The following PCDH15 variants were observed in gnomAD, a reference collection of about 807,000 sequenced individuals.
The protein encoded by PCDH15 is protocadherin-15.
In PCDH15, 129 loss-of-function variants were observed where a neutral mutation model predicts 178.5. The observed-to-expected ratio is 0.72, with a 90% CI of 0.63 to 0.84. The LOEUF is 0.84. Ranked by LOEUF, PCDH15 falls within the 40% of genes least tolerant of loss-of-function variation. The pLI is 0.00. For synonymous variants in PCDH15, 800 were observed against 732.0 expected, an observed-to-expected ratio of 1.09 and a Z score of -1.50; for missense variants, 2,230 against 2,099.9, an observed-to-expected ratio of 1.06 and a Z score of -1.21.
chr10:54,961,731 T>C (rs1278895629), intron 2 of PCDH15, among the ~76,000 whole-genome samples: 1 of 152,118 alleles, frequency 6.6e-6, no homozygotes, highest in East Asian at 1.9e-4. Flanking sequence ...CTGTACTCTT[T>C]GGGATGACCT....
At position 54,892,894 on chromosome 10, in the gene PCDH15, A is replaced by G. The variant is rs555108275; in HGVS notation, c.-29+4556T>C. Among the ~76,000 whole-genome samples the G allele has an allele frequency of 2.6e-5, 4 of 152,040 alleles. No homozygotes were observed. The South Asian group carries it at 8.3e-4, about 32-fold the overall frequency. On this transcript the variant is annotated intron_variant, in intron 3 of 5. Transcript: ENST00000458638. ...AGTACCTGCCACCACACCTATTTCT[A>G]AAAGATATTTTTCCTCAATTTAAAG...
chr10:54,009,177 G>C (rs2092486597), intron 20 of PCDH15, among the ~76,000 whole-genome samples: 1 of 151,908 alleles, frequency 6.6e-6, no homozygotes, highest in Non-Finnish European at 1.5e-5. Context: ...TTGACAGTTT[G>C]AGTTCCTATT....
chr10:54,336,373 T>C (rs1209840064), intron 6 of PCDH15, among the ~76,000 whole-genome samples: 1 of 152,148 alleles, frequency 6.6e-6, no homozygotes, highest in African/African-American at 2.4e-5. Flanking sequence ...GAGACATTTG[T>C]GGCAGCCCCT....
In PCDH15 at chr10:55,317,578, C is replaced by T. The variant is rs115846687; in HGVS notation, c.-156+2021G>A. On this transcript the variant is annotated intron_variant, in intron 1 of 5. Transcript: ENST00000458638. ...TTAATAATTTCAGCTTGAAGCTCTT[C>T]AAAATTTATAAATGGAGTGCTTTAA... is the stretch of plus-strand genomic sequence containing the variant. 5.2e-3 allele frequency among the ~76,000 whole-genome samples: 787 copies of T among 151,922 alleles called. 10 individuals are homozygous for T. The highest frequency in any genetic ancestry group is 0.018 in the African/African-American group (740 of 41,430).
intron 3 of PCDH15, among the ~76,000 whole-genome samples, chr10:54,436,141 GAA>G (rs1491288480): frequency 6.7e-6 from 1 of 148,534 alleles, no homozygotes; most frequent in East Asian, 2.0e-4. Context: ...GAAAAAGAAA[GAA>G]AGAAAGGAAG....
intron 2 of PCDH15, among the ~76,000 whole-genome samples, chr10:55,621,887 A>G (rs2132171496): frequency 6.6e-6 from 1 of 150,556 alleles, no homozygotes; most frequent in East Asian, 2.0e-4. Context: ...CATATACATG[A>G]TTTTCTGATT....
At chr10:55,123,852 C>T (rs1242823801) in intron 2 of PCDH15, among the ~76,000 whole-genome samples, 3 of 152,128 alleles carry the variant, frequency 2.0e-5, no homozygotes, top group Non-Finnish European at 2.9e-5. Flanking sequence ...ATTTCTGAAC[C>T]TCCAGGCTTG....
chr10:55,161,248 A>G (rs145894831), intron 2 of PCDH15, among the ~76,000 whole-genome samples: 1 of 152,214 alleles, frequency 6.6e-6, no homozygotes, highest in South Asian at 2.1e-4. Context: ...AAATTTCTCA[A>G]GAATGAGAAT....
At chr10:54,910,541 G>T (rs1297639328) in intron 2 of PCDH15, among the ~76,000 whole-genome samples, 1 of 152,072 alleles carries the variant, frequency 6.6e-6, no homozygotes, top group African/African-American at 2.4e-5. Flanking sequence ...TAACCCTGAG[G>T]ATTGAGAATG....
chr10:54,043,967 C>G (rs929519973), intron 18 of PCDH15, among the ~76,000 whole-genome samples: 1 of 152,096 alleles, frequency 6.6e-6, no homozygotes, highest in Non-Finnish European at 1.5e-5. Context: ...TATGTCCCTG[C>G]ATTGCTTTTG....
chr10:55,493,475 A>G (rs1039174744), intron 2 of PCDH15, among the ~76,000 whole-genome samples: 9 of 151,570 alleles, frequency 5.9e-5, no homozygotes, highest in African/African-American at 2.2e-4. Context: ...CCAGGAGGTC[A>G]AGGCTGCAGT....
chr10:54,671,980 C>T (rs1391332097), intron 1 of PCDH15, among the ~76,000 whole-genome samples: 1 of 152,080 alleles, frequency 6.6e-6, no homozygotes, highest in African/African-American at 2.4e-5. Flanking sequence ...ACCGCCTGAG[C>T]TCCGCCTCCT....
At chr10:54,028,053 G>A (rs2093168055) in intron 18 of PCDH15, among the ~76,000 whole-genome samples, 1 of 151,040 alleles carries the variant, frequency 6.6e-6, no homozygotes, top group Non-Finnish European at 1.5e-5. Flanking sequence ...CTGACAAAGG[G>A]CTAATATCCA....
intron 27 of PCDH15, among the ~76,000 whole-genome samples, chr10:53,859,943 C>T (rs1013175563): frequency 5.3e-5 from 8 of 152,054 alleles, no homozygotes; most frequent in East Asian, 1.9e-4. Flanking sequence ...CTCCTGCTCC[C>T]GGGATGGGGA....
intron 1 of PCDH15, among the ~76,000 whole-genome samples, chr10:54,764,918 T>C (rs1248737505): frequency 1.3e-5 from 2 of 152,156 alleles, no homozygotes; most frequent in Non-Finnish European, 2.9e-5. Flanking sequence ...AAAAAAAATT[T>C]AGAGGCAAAT....
intron 1 of PCDH15, among the ~76,000 whole-genome samples, chr10:55,289,119 A>G (rs942969997): frequency 6.6e-6 from 1 of 152,046 alleles, no homozygotes; most frequent in African/African-American, 2.4e-5. Context: ...GCTGCGTACT[A>G]AAGTCTATCA....
chr10:55,025,624 C>A (rs1840459241), intron 2 of PCDH15, among the ~76,000 whole-genome samples: 1 of 151,844 alleles, frequency 6.6e-6, no homozygotes, highest in Non-Finnish European at 1.5e-5. Flanking sequence ...CTTAGTATGA[C>A]CTTTATACAT....
chr10:53,893,116 CA>C lies in PCDH15; in HGVS notation c.3501+10126del, dbSNP rs1275170700. On this transcript the variant is annotated intron_variant, in intron 26 of 37. Coordinates refer to ENST00000644397, the MANE Select transcript of PCDH15 (RefSeq NM_001384140.1). Reference sequence around the variant, plus strand: ...GACTTTGAGTGTCGGTGGAAAAAAACAAAAGGAAAATATTAAGTACAGTATA... The same window carrying C: ...GACTTTGAGTGTCGGTGGAAAAAAACAAAGGAAAATATTAAGTACAGTATA... Among the ~76,000 whole-genome samples the C allele has an allele frequency of 2.0e-5, 3 of 149,368 alleles. No individual in the cohort carries two copies. In the East Asian group the frequency reaches 5.9e-4, roughly 29 times the overall value.
At chr10:55,324,220 G>A (rs897495112), upstream of PCDH15, among the ~76,000 whole-genome samples, 8 of 151,974 alleles carry the variant, frequency 5.3e-5, no homozygotes, top group Non-Finnish European at 7.4e-5. Flanking sequence ...ATCTTTACTG[G>A]CAGTGTGAGA....
Sources: allele counts gnomAD v4.1 joint callset (sites outside exome capture counted in the v4.1 genomes callset), GRCh38; gene constraint gnomAD v4.1.1; transcripts MANE v1.5; gene names NCBI Gene and HGNC (gene_info 2026-07-23, HGNC 2026-07-21).